Variants in HERC3 observed in about 807,000 individuals in gnomAD.
HERC3 encodes the protein HECT and RLD domain containing E3 ubiquitin protein ligase 3.
HERC3 carries 58 observed loss-of-function variants against 129.9 expected under a neutral mutation model. The observed-to-expected ratio is 0.45, with a 90% confidence interval of 0.36 to 0.56. The LOEUF (loss-of-function observed/expected upper bound fraction) is 0.56, where lower values mean the gene tolerates loss of function less well. HERC3 is among the 20% of genes least tolerant of loss of function. The pLI, the probability that HERC3 is intolerant of heterozygous loss-of-function variation, is 0.00. For missense variants in HERC3, 835 were observed against 1,244.2 expected (o/e 0.67, Z 4.95); for synonymous variants, 430 against 451.0 (o/e 0.95, Z 0.59).
chr4:88,615,933 T>A (rs934348579), intron 3 of HERC3, among the ~76,000 whole-genome samples: 2 of 152,210 alleles, frequency 1.3e-5, no homozygotes, highest in Non-Finnish European at 2.9e-5. Context: ...GTTTTTATCC[T>A]GCTATTCCAG....
chr4:88,664,986 C>T (rs1434563484), intron 12 of HERC3, among the ~76,000 whole-genome samples: 1 of 152,106 alleles, frequency 6.6e-6, no homozygotes, highest in Non-Finnish European at 1.5e-5. Context: ...TTTGGTAATC[C>T]CAAGTCCTAA....
chr4:88,607,510 C>G (rs1324881801), intron 3 of HERC3, among the ~76,000 whole-genome samples: 1 of 152,102 alleles, frequency 6.6e-6, no homozygotes, highest in East Asian at 1.9e-4. Flanking sequence ...GTCGCCCAGG[C>G]TGGAGTGCAG....
chr4:88,619,365 C>T (rs1162194541), intron 3 of HERC3, among the ~76,000 whole-genome samples: 1 of 152,158 alleles, frequency 6.6e-6, no homozygotes. Flanking sequence ...CATATGATAA[C>T]AGGGCATTTC....
chr4:88,579,226 A>ATATATATATATATATAT, the HERC3 span, among the ~76,000 whole-genome samples: 356 of 93,882 alleles, frequency 3.8e-3, 6 homozygotes, highest in African/African-American at 0.032. Context: ...TACTAAAAAA[A>ATATATATATATATATAT]AAAAAAATAT....
intron 23 of HERC3, among the ~76,000 whole-genome samples, chr4:88,703,680 G>C (rs1042578449): frequency 7.1e-6 from 1 of 141,812 alleles, no homozygotes; most frequent in Non-Finnish European, 1.5e-5. Context: ...AGTATCAAGT[G>C]GTTTAGCTTT....
At position 88,599,022 on chromosome 4, in the gene HERC3, A is replaced by T. The variant is rs74358941; in HGVS notation, c.-30+3408A>T. 1.9e-4 allele frequency among the ~76,000 whole-genome samples: 29 copies of T among 152,348 alleles called. No homozygotes were observed. In the East Asian group the frequency reaches 5.0e-3, roughly 26 times the overall value. ...ATTGTGTATTTTGAAGGAAAATAAAAGATTCTGCTCTTCTAGGAGCAAGCA... is the reference window on the plus strand; with the variant it reads ...ATTGTGTATTTTGAAGGAAAATAAATGATTCTGCTCTTCTAGGAGCAAGCA... On this transcript the variant is annotated intron_variant, in intron 2 of 25. Transcript: ENST00000402738.
At chr4:88,644,085 A>G (rs1337940277) in intron 3 of HERC3, among the ~76,000 whole-genome samples, 1 of 152,200 alleles carries the variant, frequency 6.6e-6, no homozygotes, top group Non-Finnish European at 1.5e-5. Flanking sequence ...ATGAAATACC[A>G]TTATACTTGT....
the HERC3 span, among the ~76,000 whole-genome samples, chr4:88,536,564 A>T: frequency 6.6e-6 from 1 of 152,206 alleles, no homozygotes; most frequent in East Asian, 1.9e-4. Flanking sequence ...TAGGTCACAT[A>T]CCATGTGTAT....
intron 3 of HERC3, among the ~76,000 whole-genome samples, chr4:88,628,995 G>A (rs2149236255): frequency 6.6e-6 from 1 of 152,264 alleles, no homozygotes; most frequent in East Asian, 1.9e-4. Context: ...CCAATGTGGT[G>A]AAACCCGTCT....
chr4:88,689,370 A>T (rs943744061), intron 23 of HERC3, among the ~76,000 whole-genome samples: 3 of 149,656 alleles, frequency 2.0e-5, no homozygotes, highest in Non-Finnish European at 3.0e-5. Flanking sequence ...AAAAAAAATT[A>T]GCCAGGTGTG....
chr4:88,655,394 C>A, intron 8 of HERC3, 90 bp downstream of exon 8: 2 of 1,429,394 alleles, frequency 1.4e-6, no homozygotes, highest in South Asian at 2.5e-5. Context: ...TATACCTAGT[C>A]ACCGTCATTT....
At chr4:88,637,829 A>G (rs1171153942) in intron 3 of HERC3, among the ~76,000 whole-genome samples, 2 of 152,198 alleles carry the variant, frequency 1.3e-5, no homozygotes, top group Non-Finnish European at 2.9e-5. Context: ...TGAAAAAATT[A>G]ATAAAATAGA....
At chr4:88,652,796 C>A in intron 5 of HERC3, 73 bp from the exon 6 acceptor site, 2 of 1,464,966 alleles carry the variant, frequency 1.4e-6, no homozygotes, top group Non-Finnish European at 1.8e-6. Context: ...GCAAATGACC[C>A]TAATAACTAG....
At chr4:88,540,704 G>A in the HERC3 span, among the ~76,000 whole-genome samples, 22 of 152,242 alleles carry the variant, frequency 1.4e-4, 1 homozygote, top group Admixed American at 7.8e-4. Flanking sequence ...GAGAAAGGTC[G>A]GGTTACCCAC....
At chr4:88,662,824 G>T (rs576060307) in intron 11 of HERC3, among the ~76,000 whole-genome samples, 6 of 151,974 alleles carry the variant, frequency 3.9e-5, no homozygotes, top group Non-Finnish European at 8.8e-5. Context: ...ACTGATGAAG[G>T]CCTGAGTTGG....
At chr4:88,657,465 A>G (rs1053518764) in intron 9 of HERC3, 1 of 152,194 alleles carries the variant, frequency 6.6e-6, no homozygotes, top group African/African-American at 2.4e-5. Context: ...TGTAATTTGT[A>G]AATTCTTTTC....
At chr4:88,585,320 T>G in the HERC3 span, among the ~76,000 whole-genome samples, 1 of 152,216 alleles carries the variant, frequency 6.6e-6, no homozygotes, top group Non-Finnish European at 1.5e-5. Context: ...AAAGTACATG[T>G]CCATCTTGTA....
chr4:88,553,356 T>A, the HERC3 span, among the ~76,000 whole-genome samples: 1 of 152,292 alleles, frequency 6.6e-6, no homozygotes, highest in African/African-American at 2.4e-5. Context: ...TGCTTATTCA[T>A]CCACATGAGC....
the HERC3 span, among the ~76,000 whole-genome samples, chr4:88,558,071 CAAAAAA>C: frequency 5.1e-5 from 2 of 39,158 alleles, no homozygotes; most frequent in African/African-American, 1.2e-4. Context: ...GACTCTGACT[CAAAAAA>C]AAAAAAAAAA....
Sources: gnomAD v4.1 joint callset for allele counts (sites outside exome capture counted in the v4.1 genomes callset) on GRCh38, gnomAD v4.1.1 for gene constraint, MANE v1.5 for transcripts, NCBI Gene and HGNC (gene_info 2026-07-23, HGNC 2026-07-21) for gene names.